WDR49: variants seen among roughly 807,000 people sequenced by gnomAD.
WDR49 encodes cilia- and flagella-associated protein 337.
A neutral mutation model predicts 119.5 loss-of-function variants in WDR49; 107 were observed. That is an observed-to-expected ratio of 0.90 (90% CI 0.77 to 1.05). The LOEUF is 1.05. WDR49 is among the 50% of genes least tolerant of loss of function. WDR49 has a pLI of 0.00. For missense variants in WDR49, 1,240 were observed against 1,220.5 expected (o/e 1.02, Z -0.24); for synonymous variants, 425 against 418.8 (o/e 1.01, Z -0.18).
At position 167,537,963 on chromosome 3, in the gene WDR49, T is replaced by C. The variant is rs112710954; in HGVS notation, c.1824-963A>G. On this transcript the variant is annotated intron_variant, in intron 10 of 18. Transcript: ENST00000682715. ...CTCAGCCTCAGAGTTTCCAGTATGT[T>C]CTGCTTCTCTTCCTGCCTCCTGATC... Among the ~76,000 whole-genome samples, 1,192 of 152,262 alleles carry C rather than the reference T, an allele frequency of 7.8e-3. 9 individuals are homozygous for C. Among genetic ancestry groups the C allele is most frequent in the East Asian group, 0.031 (160 of 5,172 alleles).
At chr3:167,605,921 G>A (rs9837095) in intron 5 of WDR49, among the ~76,000 whole-genome samples, 9,241 of 152,158 alleles carry the variant, frequency 0.061, 313 homozygotes, top group East Asian at 0.17. Context: ...ATTATAAATC[G>A]AAGCTTGGGA....
At chr3:167,526,966 T>A (rs183221629) in intron 15 of WDR49, among the ~76,000 whole-genome samples, 92 of 152,254 alleles carry the variant, frequency 6.0e-4, no homozygotes, top group African/African-American at 2.1e-3. Flanking sequence ...GTGAAACATA[T>A]TTTGTCCGCA....
chr3:167,498,716 G>C (rs1751450437), intron 18 of WDR49, among the ~76,000 whole-genome samples: 1 of 152,170 alleles, frequency 6.6e-6, no homozygotes, highest in African/African-American at 2.4e-5. Context: ...GTGTGGTAAT[G>C]ACTTTTAATT....
At chr3:167,519,408 C>A (rs749064887) in intron 16 of WDR49, among the ~76,000 whole-genome samples, 1 of 152,102 alleles carries the variant, frequency 6.6e-6, no homozygotes, top group African/African-American at 2.4e-5. Flanking sequence ...CAATGATAGA[C>A]TGGATAAAGA....
intron 17 of WDR49, among the ~76,000 whole-genome samples, 181 bp from the exon 18 acceptor site, chr3:167,500,480 T>C (rs1751520602): frequency 6.6e-6 from 1 of 152,182 alleles, no homozygotes; most frequent in African/African-American, 2.4e-5. Context: ...AATAAATCCA[T>C]AGTGCTTTTT....
chr3:167,530,862 T>A (rs987514131), intron 13 of WDR49, among the ~76,000 whole-genome samples: 2 of 152,092 alleles, frequency 1.3e-5, no homozygotes, highest in Non-Finnish European at 2.9e-5. Context: ...CAATAATTTG[T>A]CAGAATTTTT....
At chr3:167,559,957 CTT>C (rs1383792796) in intron 9 of WDR49, 105 bp downstream of exon 9, 6 of 1,217,912 alleles carry the variant, frequency 4.9e-6, no homozygotes, top group Middle Eastern at 2.0e-4. Flanking sequence ...CATTTCTCTT[CTT>C]GCAATACCAA....
intron 3 of WDR49, 56 bp from the exon 4 acceptor site, chr3:167,621,699 A>G: frequency 6.8e-7 from 1 of 1,461,276 alleles, no homozygotes; most frequent in Non-Finnish European, 9.1e-7. Flanking sequence ...AGCAAAATTA[A>G]TATGCAAAGC....
chr3:167,656,068 C>A (rs1223160224), upstream of WDR49, among the ~76,000 whole-genome samples: 1 of 152,152 alleles, frequency 6.6e-6, no homozygotes, highest in African/African-American at 2.4e-5. Flanking sequence ...AGTGTTCCAA[C>A]ACAGTGCTGT....
chr3:167,499,662 T>C lies in WDR49; in HGVS notation c.3031+491A>G, dbSNP rs1018391789. 3.3e-5 allele frequency among the ~76,000 whole-genome samples: 5 copies of C among 152,244 alleles called. No individual in the cohort carries two copies. In the South Asian group the frequency reaches 6.2e-4, roughly 19 times the overall value. ...TATATCTTTAGGGATCATTCACTTA[T>C]AGTTTCTAACTTAAGCTTTCTTGTC... On this transcript the variant is annotated intron_variant, in intron 18 of 18. Transcript: ENST00000682715.
intron 11 of WDR49, among the ~76,000 whole-genome samples, chr3:167,536,644 C>T (rs1753037996): frequency 6.6e-6 from 1 of 150,562 alleles, no homozygotes; most frequent in South Asian, 2.1e-4. Context: ...CTGGCCACTG[C>T]ACTCTAGCCT....
intron 10 of WDR49, among the ~76,000 whole-genome samples, chr3:167,552,362 G>A (rs1241511217): frequency 6.6e-6 from 1 of 152,028 alleles, no homozygotes; most frequent in African/African-American, 2.4e-5. Context: ...AAGTTAGAAG[G>A]CTGTGGCATT....
intron 7 of WDR49, among the ~76,000 whole-genome samples, chr3:167,578,595 T>C: frequency 6.6e-6 from 1 of 152,176 alleles, no homozygotes; most frequent in South Asian, 2.1e-4. Context: ...CCTATTGTTA[T>C]TATTTTAAAT....
At chr3:167,489,557 G>T (rs1751050580) in intron 18 of WDR49, among the ~76,000 whole-genome samples, 1 of 152,200 alleles carries the variant, frequency 6.6e-6, no homozygotes, top group African/African-American at 2.4e-5. Flanking sequence ...ATAGCCAAAA[G>T]CTGTTTTCAC....
intron 7 of WDR49, among the ~76,000 whole-genome samples, chr3:167,592,704 A>T (rs997131273): frequency 2.6e-5 from 4 of 152,224 alleles, no homozygotes; most frequent in Admixed American, 6.5e-5. Context: ...AAGTGCTGGG[A>T]TTACAGGCAT....
intron 16 of WDR49, among the ~76,000 whole-genome samples, chr3:167,512,866 T>A (rs905842101): frequency 6.6e-6 from 1 of 152,144 alleles, no homozygotes; most frequent in African/African-American, 2.4e-5. Flanking sequence ...CAGAGCTTGA[T>A]GACTATCTTG....
chr3:167,489,693 C>T (rs1180732210), intron 18 of WDR49, among the ~76,000 whole-genome samples: 1 of 152,040 alleles, frequency 6.6e-6, no homozygotes, highest in African/African-American at 2.4e-5. Flanking sequence ...TTTCCCTTGC[C>T]TGCTAATTGG....
At chr3:167,573,937 T>C (rs780776478) in intron 8 of WDR49, among the ~76,000 whole-genome samples, 17 of 152,216 alleles carry the variant, frequency 1.1e-4, no homozygotes, top group Non-Finnish European at 2.2e-4. Flanking sequence ...CGTTGTATCT[T>C]CTGTCTGGAA....
At chr3:167,591,594 A>ACACATAT (rs1400855116) in intron 7 of WDR49, among the ~76,000 whole-genome samples, 5 of 152,114 alleles carry the variant, frequency 3.3e-5, no homozygotes, top group African/African-American at 1.2e-4. Flanking sequence ...CGTTTTGGGT[A>ACACATAT]CACATATATT....
Sources: gnomAD v4.1 joint callset for allele counts (sites outside exome capture counted in the v4.1 genomes callset) on GRCh38, gnomAD v4.1.1 for gene constraint, MANE v1.5 for transcripts, NCBI Gene and HGNC (gene_info 2026-07-23, HGNC 2026-07-21) for gene names.